ATP7A: variants seen among roughly 807,000 people sequenced by gnomAD.
ATP7A encodes copper-transporting ATPase 1.
ATP7A carries 7 observed loss-of-function variants against 83.5 expected under a neutral mutation model. That is an observed-to-expected ratio of 0.08 (90% CI 0.05 to 0.16). The LOEUF is 0.16. Among genes scored for constraint, ATP7A ranks in the 10% least tolerant of loss-of-function variants. The probability of loss-of-function intolerance (pLI) is 1.00; values close to 1 mark genes in which losing one functional copy is unlikely to be tolerated. For synonymous variants in ATP7A, 354 were observed against 395.2 expected (o/e 0.90, Z 1.24); for missense variants, 940 against 1,120.8 (o/e 0.84, Z 2.30).
intron 21 of ATP7A, 55 bp from the exon 22 acceptor site, chrX:78,045,415 C>T: frequency 2.2e-6 from 2 of 896,281 alleles, no homozygotes; most frequent in South Asian, 4.0e-5. Context: ...GTTAGAAACA[C>T]ATTAATAATC....
At chrX:77,930,446 A>G (rs2077265180) in intron 1 of ATP7A, among the ~76,000 whole-genome samples, 1 of 112,041 alleles carries the variant, frequency 8.9e-6, no homozygotes, top group Admixed American at 9.5e-5. Context: ...CTTTGCAGAT[A>G]GGAGATTGGA....
chrX:78,015,319 C>G (rs2077854468), intron 11 of ATP7A, among the ~76,000 whole-genome samples: 1 of 111,812 alleles, frequency 8.9e-6, no homozygotes, highest in African/African-American at 3.2e-5. Context: ...TGAATTTATC[C>G]TTTGTTTCCT....
At chrX:77,927,509 T>C (rs1291216484) in intron 1 of ATP7A, among the ~76,000 whole-genome samples, 1 of 111,832 alleles carries the variant, frequency 8.9e-6, no homozygotes, top group Non-Finnish European at 1.9e-5. Context: ...TTAGGTTGGT[T>C]CCAGTTTTTC....
chrX:77,986,825 C>T (rs1320255457), intron 2 of ATP7A, among the ~76,000 whole-genome samples: 13 of 111,901 alleles, frequency 1.2e-4, no homozygotes, highest in African/African-American at 4.2e-4. Flanking sequence ...CACCCTACTA[C>T]ACTATCATCT....
chrX:78,013,278 T>C (rs1219941060), intron 10 of ATP7A, among the ~76,000 whole-genome samples, 166 bp downstream of exon 10: 1 of 111,974 alleles, frequency 8.9e-6, no homozygotes, highest in Non-Finnish European at 1.9e-5. Flanking sequence ...TTTAGAAGAT[T>C]TACCAAATAT....
chrX:77,992,764 A>T (rs1160356223), intron 4 of ATP7A, among the ~76,000 whole-genome samples: 1 of 111,014 alleles, frequency 9.0e-6, no homozygotes, highest in Non-Finnish European at 1.9e-5. Flanking sequence ...GGTGCACGCC[A>T]CCATGCCCAG....
At chrX:78,000,172 A>G (rs1294229422) in intron 5 of ATP7A, among the ~76,000 whole-genome samples, 16 of 111,001 alleles carry the variant, frequency 1.4e-4, no homozygotes, top group Non-Finnish European at 3.0e-4. Flanking sequence ...CTTCAGTTCA[A>G]TATTACCTTG....
In ATP7A at chrX:78,046,325, C is replaced by A. The variant is rs1557239101; in HGVS notation, c.4258C>A (p.Leu1420Met). ...GAAACCAACTTACGAGAGTTATGAA[C>A]TGCCTGCCCGGAGCCAGATAGGACA... Reference protein sequence around the residue: ...YRKPTYESYELPARSQIGQKS... With the variant: ...YRKPTYESYEMPARSQIGQKS... The change falls in exon 23 of 23, where the codon CTG becomes ATG. Residue 1420 changes from leucine to methionine, a missense_variant. By Grantham distance (15) the Leu-to-Met change is conservative (BLOSUM62 2). Coordinates refer to ENST00000341514, the MANE Select transcript of ATP7A (RefSeq NM_000052.7). 8.3e-7 allele frequency: 1 copy of A among 1,211,733 alleles called. No individual in the cohort carries two copies. The highest frequency in any genetic ancestry group is 3.0e-5 in the East Asian group (1 of 33,857).
chrX:77,939,305 A>T (rs2077337829), intron 1 of ATP7A, among the ~76,000 whole-genome samples: 1 of 110,937 alleles, frequency 9.0e-6, no homozygotes, highest in Non-Finnish European at 1.9e-5. Flanking sequence ...TCAAAAAAAA[A>T]AAAAGTACAT....
intron 2 of ATP7A, among the ~76,000 whole-genome samples, chrX:77,972,152 A>G (rs2077551701): frequency 9.0e-6 from 1 of 111,016 alleles, no homozygotes; most frequent in South Asian, 3.8e-4. Flanking sequence ...TAAAACTTGA[A>G]GGGAAAATGT....
intron 1 of ATP7A, among the ~76,000 whole-genome samples, chrX:77,934,047 T>A (rs1279607604): frequency 1.8e-5 from 2 of 111,883 alleles, no homozygotes; most frequent in South Asian, 7.4e-4. Context: ...TATTTTATGT[T>A]TTTAGGTGAA....
chrX:77,998,651 G>A lies in ATP7A; in HGVS notation c.1510G>A (p.Ala504Thr), dbSNP rs781786942. Residue 504 changes from alanine (A) to threonine (T), a missense_variant, in exon 5 of 23, where the codon GCA becomes ACA. Ala to Thr is a moderately conservative substitution (Grantham distance 58). Transcript: ENST00000341514. Reference sequence around the variant, plus strand: ...TGGCATGACTTGCGCTTCCTGTGTAGCAAACATTGAACGGAATTTAAGGCG... The same window carrying A: ...TGGCATGACTTGCGCTTCCTGTGTAACAAACATTGAACGGAATTTAAGGCG... ...VTGMTCASCV[A>T]NIERNLRREE... 3.1e-5 allele frequency: 37 copies of A among 1,210,264 alleles called. No individual in the cohort carries two copies. The Admixed American group carries it at 7.9e-4, about 26-fold the overall frequency.
At chrX:78,032,711 A>T (rs1244131712) in intron 16 of ATP7A, among the ~76,000 whole-genome samples, 1 of 111,966 alleles carries the variant, frequency 8.9e-6, no homozygotes, top group African/African-American at 3.2e-5. Context: ...ATTGTCTCAC[A>T]TTAATTTTAC....
chrX:78,012,779 A>G, intron 9 of ATP7A, 100 bp from the exon 10 acceptor site: 1 of 770,350 alleles, frequency 1.3e-6, no homozygotes, highest in East Asian at 3.2e-5. Context: ...GGATTAGCTA[A>G]AAGCCAAAGA....
chrX:78,012,857 G>T, intron 9 of ATP7A, 22 bp from the exon 10 acceptor site: 1 of 1,148,587 alleles, frequency 8.7e-7, no homozygotes, highest in Non-Finnish European at 1.2e-6. Flanking sequence ...AAAATTCAAT[G>T]ATTATCATTC....
At chrX:77,925,278 A>G (rs111823445) in intron 1 of ATP7A, among the ~76,000 whole-genome samples, 7,011 of 111,940 alleles carry the variant, frequency 0.063, 228 homozygotes, top group African/African-American at 0.12. Context: ...CTGCTTTAAA[A>G]AAAAGTATTG....
At chrX:78,010,619 G>T (rs372756861) in intron 7 of ATP7A, among the ~76,000 whole-genome samples, 1 of 78,231 alleles carries the variant, frequency 1.3e-5, no homozygotes, top group Admixed American at 2.0e-4. Context: ...TCACTCTGTC[G>T]CCTGGGCTGG....
intron 17 of ATP7A, among the ~76,000 whole-genome samples, chrX:78,038,469 T>TA (rs1569550285): frequency 8.9e-6 from 1 of 111,863 alleles, no homozygotes; most frequent in African/African-American, 3.3e-5. Context: ...CATGTTCATC[T>TA]AGCCACATTC....
At chrX:77,967,869 G>A (rs1410110689) in intron 1 of ATP7A, among the ~76,000 whole-genome samples, 1 of 111,723 alleles carries the variant, frequency 9.0e-6, no homozygotes, top group Non-Finnish European at 1.9e-5. Flanking sequence ...ATCTTGCTTT[G>A]TTAGTAGCAG....
Sources: allele counts gnomAD v4.1 joint callset (sites outside exome capture counted in the v4.1 genomes callset), GRCh38; gene constraint gnomAD v4.1.1; transcripts MANE v1.5; gene names NCBI Gene and HGNC (gene_info 2026-07-23, HGNC 2026-07-21).